CNTLN: variants seen among roughly 807,000 people sequenced by gnomAD.
CNTLN encodes the protein centlein.
CNTLN carries 212 observed loss-of-function variants against 180.0 expected under a neutral mutation model. That is an observed-to-expected ratio of 1.18 (90% CI 1.05 to 1.32). CNTLN has a LOEUF of 1.32. Among genes scored for constraint, CNTLN ranks in the 40% most tolerant of loss-of-function variants. The pLI is 0.00. For synonymous variants in CNTLN, 722 were observed against 563.1 expected, an observed-to-expected ratio of 1.28 and a Z score of -3.99; for missense variants, 2,095 against 1,610.9, an observed-to-expected ratio of 1.30 and a Z score of -5.14.
At chr9:17,234,849 A>G (rs1316083730) in intron 3 of CNTLN, among the ~76,000 whole-genome samples, 1 of 152,194 alleles carries the variant, frequency 6.6e-6, no homozygotes. Context: ...GAAGTTTAGG[A>G]AAGAGATAGT....
chr9:17,344,013 C>T (rs543748383), intron 12 of CNTLN, among the ~76,000 whole-genome samples: 3 of 152,084 alleles, frequency 2.0e-5, no homozygotes, highest in African/African-American at 7.2e-5. Context: ...TGTATCAATG[C>T]TTTTATCTGA....
intron 2 of CNTLN, 54 bp downstream of exon 2, chr9:17,143,430 C>G: frequency 1.6e-6 from 2 of 1,287,120 alleles, no homozygotes; most frequent in Non-Finnish European, 1.1e-6. Flanking sequence ...GTTTGTTTCT[C>G]TTCATTATTA....
At chr9:17,465,308 C>T (rs971150878) in intron 21 of CNTLN, among the ~76,000 whole-genome samples, 2 of 150,400 alleles carry the variant, frequency 1.3e-5, no homozygotes, top group African/African-American at 4.9e-5. Context: ...ATGACAAATC[C>T]ATATGGATTT....
intron 2 of CNTLN, among the ~76,000 whole-genome samples, chr9:17,156,279 A>C (rs1819282383): frequency 1.3e-5 from 2 of 152,346 alleles, no homozygotes; most frequent in South Asian, 4.1e-4. Context: ...AATAAGGACT[A>C]TCTCTAAAAG....
chr9:17,329,448 G>A (rs1434794948), intron 8 of CNTLN, among the ~76,000 whole-genome samples: 1 of 151,998 alleles, frequency 6.6e-6, no homozygotes, highest in Non-Finnish European at 1.5e-5. Context: ...GATGTTCAAA[G>A]CAAGATAATG....
At chr9:17,167,737 CAA>C (rs1820171702) in intron 2 of CNTLN, 1 of 152,044 alleles carries the variant, frequency 6.6e-6, no homozygotes, top group Non-Finnish European at 1.5e-5. Flanking sequence ...TCAGAAAAAA[CAA>C]AAAGTTATAT....
intron 8 of CNTLN, among the ~76,000 whole-genome samples, chr9:17,318,554 A>G (rs1342613819): frequency 6.6e-6 from 1 of 152,188 alleles, no homozygotes; most frequent in Non-Finnish European, 1.5e-5. Flanking sequence ...TATGAGAAGA[A>G]AGGAGGAATT....
chr9:17,299,027 A>C, intron 7 of CNTLN: 1 of 655,460 alleles, frequency 1.5e-6, no homozygotes, highest in South Asian at 6.8e-5. Flanking sequence ...GCGAATCACA[A>C]GGTCAAGAGA....
intron 25 of CNTLN, among the ~76,000 whole-genome samples, chr9:17,490,502 T>C (rs1307142189): frequency 6.6e-6 from 1 of 152,100 alleles, no homozygotes; most frequent in Non-Finnish European, 1.5e-5. Flanking sequence ...AAATGTTACA[T>C]ACTTTATGAT....
intron 2 of CNTLN, chr9:17,166,938 T>C (rs1049332339): frequency 1.3e-5 from 6 of 447,700 alleles, no homozygotes; most frequent in Admixed American, 1.1e-4. Context: ...AAGGTGAAGA[T>C]GAAAGAAGAT....
At chr9:17,367,081 A>G (rs961768849) in intron 13 of CNTLN, among the ~76,000 whole-genome samples, 1 of 152,232 alleles carries the variant, frequency 6.6e-6, no homozygotes, top group East Asian at 1.9e-4. Flanking sequence ...AATGACTGAA[A>G]GAGGCACTGA....
At chr9:17,408,607 C>T (rs1827593340) in intron 15 of CNTLN, among the ~76,000 whole-genome samples, 1 of 151,988 alleles carries the variant, frequency 6.6e-6, no homozygotes, top group South Asian at 2.1e-4. Flanking sequence ...CGAGACCATC[C>T]TGGCTAACAC....
chr9:17,226,211 A>C lies in CNTLN; in HGVS notation c.458A>C (p.Gln153Pro), dbSNP rs1477309478. Reference sequence around the variant, plus strand: ...CTATATTTTATATCTAGAGAAAAACAGAAATCTGAAGCTAAAGACAGAAAA... The same window carrying C: ...CTATATTTTATATCTAGAGAAAAACCGAAATCTGAAGCTAAAGACAGAAAA... The part of the protein sequence containing the change: ...VVSLVVEREK[Q>P]KSEAKDRKVL... Residue 153 changes from glutamine to proline, a missense_variant, in exon 3 of 26, where the codon CAG becomes CCG. By Grantham distance (76) the Gln-to-Pro change is moderately conservative. Coordinates refer to ENST00000380647, the MANE Select transcript of CNTLN (RefSeq NM_017738.4). 6.4e-7 allele frequency: 1 copy of C among 1,559,646 alleles called. No homozygotes were observed. Among genetic ancestry groups the C allele is most frequent in the Non-Finnish European group, 8.7e-7 (1 of 1,151,264 alleles).
At chr9:17,319,233 C>T (rs1046346165) in intron 8 of CNTLN, among the ~76,000 whole-genome samples, 4 of 152,196 alleles carry the variant, frequency 2.6e-5, no homozygotes, top group Non-Finnish European at 5.9e-5. Context: ...TGAGGATAGT[C>T]TGGCTAAGTA....
intron 2 of CNTLN, among the ~76,000 whole-genome samples, chr9:17,180,663 C>T (rs765432495): frequency 6.6e-6 from 1 of 151,880 alleles, no homozygotes; most frequent in Non-Finnish European, 1.5e-5. Context: ...TCCAGGATCC[C>T]TCCATTTAAA....
downstream of CNTLN, among the ~76,000 whole-genome samples, chr9:17,507,203 C>T (rs1464395578): frequency 1.3e-5 from 2 of 152,096 alleles, no homozygotes; most frequent in Non-Finnish European, 2.9e-5. Context: ...TGTGTGTACC[C>T]AATGTTTATC....
intron 16 of CNTLN, among the ~76,000 whole-genome samples, chr9:17,412,430 C>T (rs892634416): frequency 1.3e-5 from 2 of 152,174 alleles, no homozygotes; most frequent in Non-Finnish European, 2.9e-5. Flanking sequence ...GTTGGAGTTA[C>T]AGACAGTCCC....
At chr9:17,275,722 C>T (rs78958798) in intron 6 of CNTLN, among the ~76,000 whole-genome samples, 2,793 of 152,070 alleles carry the variant, frequency 0.018, 84 homozygotes, top group African/African-American at 0.064. Context: ...TAGTGTATTG[C>T]AAGAGCTGTA....
At chr9:17,403,773 G>C (rs995045222) in intron 15 of CNTLN, among the ~76,000 whole-genome samples, 1 of 151,634 alleles carries the variant, frequency 6.6e-6, no homozygotes, top group Admixed American at 6.6e-5. Flanking sequence ...CAGACTGAAA[G>C]ACACATTTTC....
Sources: gnomAD v4.1 joint callset for allele counts (sites outside exome capture counted in the v4.1 genomes callset) on GRCh38, gnomAD v4.1.1 for gene constraint, MANE v1.5 for transcripts, NCBI Gene and HGNC (gene_info 2026-07-23, HGNC 2026-07-21) for gene names.